SORCS2: variants seen among roughly 807,000 people sequenced by gnomAD.
The protein encoded by SORCS2 is sortilin related VPS10 domain containing receptor 2.
In SORCS2, 100 loss-of-function variants were observed where a neutral mutation model predicts 141.6. The ratio of observed to expected loss-of-function variants is 0.71; its 90% CI spans 0.60 to 0.83. The LOEUF (loss-of-function observed/expected upper bound fraction) is 0.83. Among genes scored for constraint, SORCS2 ranks in the 40% least tolerant of loss-of-function variants. The pLI is 0.00. For synonymous variants in SORCS2, 789 were observed against 676.9 expected (o/e 1.17, Z -2.57); for missense variants, 1,646 against 1,560.2 (o/e 1.05, Z -0.93).
At chr4:7,662,100 C>T (rs1722212162) in intron 6 of SORCS2, among the ~76,000 whole-genome samples, 1 of 152,166 alleles carries the variant, frequency 6.6e-6, no homozygotes, top group African/African-American at 2.4e-5. Flanking sequence ...GGCCAGTCAC[C>T]CCAGTCTCCT....
chr4:7,709,142 G>T (rs1725664492), intron 14 of SORCS2, among the ~76,000 whole-genome samples: 2 of 152,206 alleles, frequency 1.3e-5, no homozygotes, highest in South Asian at 4.1e-4. Context: ...TTTGTGTTGT[G>T]GGCCTTTCAT....
chr4:7,419,385 A>C (rs1725896491), intron 2 of SORCS2, among the ~76,000 whole-genome samples: 1 of 152,104 alleles, frequency 6.6e-6, no homozygotes, highest in Non-Finnish European at 1.5e-5. Flanking sequence ...GGAACCAGGA[A>C]AGGCTGTGTG....
chr4:7,502,390 G>A lies in SORCS2; in HGVS notation c.549-29140G>A, dbSNP rs149553635. ...GATTGATGATTCTTCACCTTGGGCT[G>A]GGCAGTGATCTCTGTTCTCAAGGGG... is the stretch of plus-strand genomic sequence containing the variant. On this transcript the variant is annotated intron_variant, in intron 2 of 26. Coordinates refer to ENST00000507866, the MANE Select transcript of SORCS2 (RefSeq NM_020777.3). 3.9e-3 allele frequency among the ~76,000 whole-genome samples: 589 copies of A among 152,282 alleles called. 3 individuals are homozygous for A. The highest frequency in any genetic ancestry group is 0.014 in the African/African-American group (564 of 41,564).
chr4:7,647,891 G>C (rs1037952951), intron 4 of SORCS2, among the ~76,000 whole-genome samples: 1 of 152,248 alleles, frequency 6.6e-6, no homozygotes, highest in African/African-American at 2.4e-5. Flanking sequence ...ACTCTGAAGC[G>C]TGAACCGTGG....
intron 1 of SORCS2, among the ~76,000 whole-genome samples, chr4:7,291,755 C>T (rs1186046615): frequency 6.6e-6 from 1 of 152,182 alleles, no homozygotes; most frequent in Non-Finnish European, 1.5e-5. Context: ...TCTATCCCTC[C>T]CTGCTCCCTT....
intron 2 of SORCS2, among the ~76,000 whole-genome samples, chr4:7,522,093 A>T (rs148033661): frequency 6.6e-6 from 1 of 152,168 alleles, no homozygotes; most frequent in African/African-American, 2.4e-5. Flanking sequence ...CTTTGTTCAG[A>T]TAGAAAAAAA....
At chr4:7,571,106 A>G (rs1715359909) in intron 3 of SORCS2, among the ~76,000 whole-genome samples, 1 of 152,230 alleles carries the variant, frequency 6.6e-6, no homozygotes, top group African/African-American at 2.4e-5. Flanking sequence ...AGCAGCCCCC[A>G]GCCCTGGACA....
At chr4:7,731,583 T>A (rs1711691946) in intron 23 of SORCS2, among the ~76,000 whole-genome samples, 2 of 152,160 alleles carry the variant, frequency 1.3e-5, no homozygotes. Context: ...AAAGTTACAG[T>A]AATCCAAATA....
intron 3 of SORCS2, among the ~76,000 whole-genome samples, chr4:7,539,775 CCCTTCCTGTTGTGGATGCTCTGCCT>C: frequency 6.7e-6 from 1 of 149,490 alleles, no homozygotes. Flanking sequence ...AGGGCCCCAC[CCCTTCCTGTTGTGGATGCTCTGCCT>C]CCTTCCTGCT....
intron 3 of SORCS2, among the ~76,000 whole-genome samples, chr4:7,533,135 A>G (rs567926145): frequency 1.3e-5 from 2 of 152,126 alleles, no homozygotes; most frequent in Admixed American, 1.3e-4. Context: ...GAGAGGTGAG[A>G]TTTGCTCAGT....
At chr4:7,608,196 T>C (rs1718180589) in intron 3 of SORCS2, among the ~76,000 whole-genome samples, 1 of 152,134 alleles carries the variant, frequency 6.6e-6, no homozygotes, top group African/African-American at 2.4e-5. Flanking sequence ...ACTTCCTGCC[T>C]GCCATGCTCC....
chr4:7,307,583 T>G (rs758871833), intron 1 of SORCS2, among the ~76,000 whole-genome samples: 30 of 152,222 alleles, frequency 2.0e-4, no homozygotes, highest in Non-Finnish European at 3.4e-4. Flanking sequence ...CTGTCGAGCT[T>G]GGCAGCAATT....
intron 1 of SORCS2, chr4:7,381,752 C>G (rs183925547): frequency 5.2e-6 from 1 of 191,782 alleles, no homozygotes; most frequent in Admixed American, 6.5e-5. Context: ...CCCCACCCAG[C>G]CCACTGACAT....
intron 1 of SORCS2, among the ~76,000 whole-genome samples, chr4:7,351,090 G>C (rs1720911083): frequency 6.6e-6 from 1 of 152,188 alleles, no homozygotes; most frequent in Non-Finnish European, 1.5e-5. Context: ...CAGGCTGCAA[G>C]GGTGACCAAC....
At chr4:7,699,088 T>G (rs1724890399) in intron 12 of SORCS2, among the ~76,000 whole-genome samples, 1 of 152,194 alleles carries the variant, frequency 6.6e-6, no homozygotes. Flanking sequence ...AACATGAGTT[T>G]CCTAGGATGT....
At chr4:7,698,607 C>G (rs1250255460) in intron 12 of SORCS2, among the ~76,000 whole-genome samples, 2 of 152,206 alleles carry the variant, frequency 1.3e-5, no homozygotes, top group Non-Finnish European at 2.9e-5. Context: ...AAACGGATTG[C>G]AAGATAGTCA....
At chr4:7,697,311 C>A in intron 12 of SORCS2, 37 bp downstream of exon 12, 1 of 1,527,220 alleles carries the variant, frequency 6.5e-7, no homozygotes, top group South Asian at 1.2e-5. Context: ...CCCCCCACCC[C>A]ATCCAGCCGG....
In SORCS2 at chr4:7,486,544, G is replaced by A. The variant is rs543741180; in HGVS notation, c.549-44986G>A. Reference sequence around the variant, plus strand: ...ATCTCCTTGTACCCCAGCTGAGAGCGCTGATAATGTGGAGCCTGCGGTAGC... The same window carrying A: ...ATCTCCTTGTACCCCAGCTGAGAGCACTGATAATGTGGAGCCTGCGGTAGC... On this transcript the variant is annotated intron_variant, in intron 2 of 26. Coordinates refer to ENST00000507866, the MANE Select transcript of SORCS2 (RefSeq NM_020777.3). Among the ~76,000 whole-genome samples, 16 of 152,330 alleles carry A rather than the reference G, an allele frequency of 1.1e-4. 1 individual carries two copies. In the South Asian group the frequency reaches 2.7e-3, roughly 26 times the overall value.
At chr4:7,276,544 C>T (rs2108851082) in intron 1 of SORCS2, among the ~76,000 whole-genome samples, 1 of 152,304 alleles carries the variant, frequency 6.6e-6, no homozygotes, top group Admixed American at 6.5e-5. Flanking sequence ...GTGAGGCCCC[C>T]TTATTGCTGC....
Sources: gnomAD v4.1 joint callset for allele counts (sites outside exome capture counted in the v4.1 genomes callset) on GRCh38, gnomAD v4.1.1 for gene constraint, MANE v1.5 for transcripts, NCBI Gene and HGNC (gene_info 2026-07-23, HGNC 2026-07-21) for gene names.